Variants in RNF130 observed in about 807,000 individuals in gnomAD.
RNF130 encodes ring finger protein 130.
RNF130 carries 21 observed loss-of-function variants against 44.6 expected under a neutral mutation model. The ratio of observed to expected loss-of-function variants is 0.47; its 90% CI spans 0.33 to 0.68. The LOEUF (loss-of-function observed/expected upper bound fraction) is 0.68. Ranked by LOEUF, RNF130 falls within the 30% of genes least tolerant of loss-of-function variation. RNF130 has a pLI of 0.02. For missense variants in RNF130, 479 were observed against 560.6 expected (o/e 0.85, Z 1.47); for synonymous variants, 214 against 210.4 (o/e 1.02, Z -0.15).
intron 3 of RNF130, among the ~76,000 whole-genome samples, chr5:179,988,690 T>C (rs1003194687): frequency 1.3e-5 from 2 of 152,262 alleles, no homozygotes; most frequent in Non-Finnish European, 2.9e-5. Flanking sequence ...AGTTTCCACG[T>C]AGATACTGTT....
At chr5:179,992,369 C>A (rs573354106) in intron 3 of RNF130, among the ~76,000 whole-genome samples, 193 of 152,318 alleles carry the variant, frequency 1.3e-3, no homozygotes, top group Non-Finnish European at 2.1e-3. Flanking sequence ...GTCTCGATCT[C>A]CTGACCTCGT....
intron 2 of RNF130, among the ~76,000 whole-genome samples, chr5:180,022,727 A>C (rs1049177846): frequency 6.6e-6 from 1 of 152,176 alleles, no homozygotes; most frequent in Non-Finnish European, 1.5e-5. Context: ...CCTTTGCTAT[A>C]CTAGTTTTAA....
At chr5:180,030,702 C>A (rs905344891) in intron 2 of RNF130, among the ~76,000 whole-genome samples, 17 of 152,122 alleles carry the variant, frequency 1.1e-4, no homozygotes, top group African/African-American at 4.1e-4. Flanking sequence ...AATCTTCATG[C>A]CCAGCTCTAC....
intron 7 of RNF130, among the ~76,000 whole-genome samples, chr5:179,928,187 T>C (rs467493): frequency 6.6e-6 from 1 of 152,170 alleles, no homozygotes. Flanking sequence ...CACATGGACA[T>C]GCCTTTCCCT....
chr5:179,948,051 A>G (rs1179813995), intron 7 of RNF130, among the ~76,000 whole-genome samples: 3 of 152,140 alleles, frequency 2.0e-5, no homozygotes, highest in Non-Finnish European at 2.9e-5. Context: ...TGGAGGGTAT[A>G]AAGTAGTTGG....
intron 1 of RNF130, among the ~76,000 whole-genome samples, chr5:180,067,902 A>G (rs546473551): frequency 6.6e-6 from 1 of 152,336 alleles, no homozygotes; most frequent in East Asian, 1.9e-4. Context: ...CCGATTTCAG[A>G]TTCATTAAAG....
chr5:179,911,863 G>A (rs1157870903), exon 8 of RNF130: 1 of 152,176 alleles, frequency 6.6e-6, no homozygotes, highest in Non-Finnish European at 1.5e-5. Context: ...TCTACTTGTA[G>A]GTGTTTGTGT....
intron 1 of RNF130, among the ~76,000 whole-genome samples, chr5:180,051,540 T>C (rs1582222008): frequency 6.6e-6 from 1 of 152,124 alleles, no homozygotes; most frequent in South Asian, 2.1e-4. Flanking sequence ...CCCCGGCCTT[T>C]GTACAGAATT....
At chr5:179,920,225 A>G in exon 8 of RNF130, 1 of 632,242 alleles carries the variant, frequency 1.6e-6, no homozygotes, top group Non-Finnish European at 2.9e-6. Context: ...TTCTTCCAAA[A>G]CGGATGCTGA....
At chr5:179,975,274 G>A (rs185100995) in intron 5 of RNF130, among the ~76,000 whole-genome samples, 2,231 of 152,340 alleles carry the variant, frequency 0.015, 62 homozygotes, top group African/African-American at 0.052. Flanking sequence ...ATCTGCTGGG[G>A]TGAGGCTTGA....
At chr5:179,939,114 G>A (rs1761938623) in intron 7 of RNF130, among the ~76,000 whole-genome samples, 1 of 152,088 alleles carries the variant, frequency 6.6e-6, no homozygotes, top group Non-Finnish European at 1.5e-5. Flanking sequence ...CTGCTTGGGG[G>A]GCTGAGGCAG....
chr5:180,058,663 C>A (rs1764896865), intron 1 of RNF130, among the ~76,000 whole-genome samples: 1 of 152,072 alleles, frequency 6.6e-6, no homozygotes, highest in Admixed American at 6.5e-5. Context: ...TCAAGCGAGT[C>A]TCCTGCCTCA....
At chr5:180,022,910 G>A (rs960908137) in intron 2 of RNF130, among the ~76,000 whole-genome samples, 9 of 152,284 alleles carry the variant, frequency 5.9e-5, no homozygotes, top group East Asian at 1.9e-4. Flanking sequence ...TAGAGAGTTC[G>A]GCATTCTAAC....
At chr5:179,987,801 A>G (rs929150351) in intron 3 of RNF130, among the ~76,000 whole-genome samples, 1 of 152,220 alleles carries the variant, frequency 6.6e-6, no homozygotes, top group East Asian at 1.9e-4. Flanking sequence ...ACATCCTTCT[A>G]TCCCCGGGAC....
At position 180,040,494 on chromosome 5, in the gene RNF130, T is replaced by C; in HGVS notation, c.401A>G (p.Asn134Ser). The C allele has an allele frequency of 6.2e-7, 1 of 1,614,186 alleles. No homozygotes were observed. Among genetic ancestry groups the C allele is most frequent in the Non-Finnish European group, 8.5e-7 (1 of 1,180,014 alleles). ...FHNAVAVVIY[N>S]NKSKEEPVTM... ...AACTGGCTCCTCTTTGGATTTATTATTGTAGATGACTACAGCAACTGCATT... is the reference window on the plus strand; with the variant it reads ...AACTGGCTCCTCTTTGGATTTATTACTGTAGATGACTACAGCAACTGCATT... The change falls in exon 2 of 9, where the codon AAT (asparagine) becomes AGT (serine). Residue 134 changes from asparagine to serine, a missense_variant. Physicochemically the swap from Asn to Ser is conservative, Grantham distance 46 (BLOSUM62 1). This residue lies in a region of RNF130 where 180 missense variants were observed against 275.1 expected (regional missense o/e 0.65). Coordinates refer to ENST00000521389, the MANE Select transcript of RNF130 (RefSeq NM_018434.6).
intron 3 of RNF130, among the ~76,000 whole-genome samples, chr5:180,001,733 C>T (rs1338935629): frequency 6.6e-6 from 1 of 152,142 alleles, no homozygotes; most frequent in East Asian, 1.9e-4. Flanking sequence ...CAGCAAGTAT[C>T]CTAGCTTAGG....
At chr5:179,963,347 C>T (rs1436501014) in intron 8 of RNF130, 124 bp downstream of exon 8, 18 of 687,256 alleles carry the variant, frequency 2.6e-5, no homozygotes, top group Middle Eastern at 2.8e-4. Context: ...TTGCTAGATA[C>T]GATCCCATCA....
chr5:179,932,055 A>C (rs540025287), intron 7 of RNF130, among the ~76,000 whole-genome samples: 21 of 152,148 alleles, frequency 1.4e-4, no homozygotes, highest in African/African-American at 5.1e-4. Context: ...TCTTGCAATA[A>C]ATTTGTTTCC....
intron 2 of RNF130, among the ~76,000 whole-genome samples, chr5:180,038,115 G>A (rs1404537774): frequency 3.3e-5 from 5 of 152,180 alleles, no homozygotes; most frequent in African/African-American, 2.4e-5. Context: ...GTGCAGTGGT[G>A]TGATCACGGC....
Sources: allele counts gnomAD v4.1 joint callset (sites outside exome capture counted in the v4.1 genomes callset), GRCh38; gene constraint gnomAD v4.1.1; regional missense constraint gnomAD v4.1.1; transcripts MANE v1.5; gene names NCBI Gene and HGNC (gene_info 2026-07-23, HGNC 2026-07-21).